Variants in NT5DC1 observed in about 807,000 individuals in gnomAD.
NT5DC1 encodes the protein 5'-nucleotidase domain-containing protein 1.
In NT5DC1, 42 loss-of-function variants were observed where a neutral mutation model predicts 59.4. The ratio of observed to expected loss-of-function variants is 0.71; its 90% CI spans 0.55 to 0.92. The LOEUF (loss-of-function observed/expected upper bound fraction) is 0.92, where lower values mean the gene tolerates loss of function less well. NT5DC1 is among the 40% of genes least tolerant of loss of function. The probability of loss-of-function intolerance (pLI) is 0.00; values close to 1 mark genes in which losing one functional copy is unlikely to be tolerated. For missense variants in NT5DC1, 501 were observed against 537.1 expected (o/e 0.93, Z 0.66); for synonymous variants, 172 against 188.1 (o/e 0.91, Z 0.70).
At chr6:116,168,090 TTTTTTTTTTTTTAAATTCTCC>T (rs1183246470) in intron 6 of NT5DC1, among the ~76,000 whole-genome samples, 1 of 151,176 alleles carries the variant, frequency 6.6e-6, no homozygotes, top group Admixed American at 6.6e-5. Context: ...TGTCTTTTTT[TTTTTTTTTTTTTAAATTCTCC>T]TTGGAGGGCT....
intron 6 of NT5DC1, among the ~76,000 whole-genome samples, chr6:116,192,834 A>G (rs1224009120): frequency 3.3e-5 from 5 of 151,964 alleles, no homozygotes; most frequent in Admixed American, 2.0e-4. Context: ...TTGGCCTCCT[A>G]CTATTGGAAG....
At chr6:116,148,214 T>G (rs1779946984) in intron 6 of NT5DC1, among the ~76,000 whole-genome samples, 1 of 152,024 alleles carries the variant, frequency 6.6e-6, no homozygotes, top group African/African-American at 2.4e-5. Flanking sequence ...TTGAGTAAGT[T>G]GGGGACAGGG....
intron 8 of NT5DC1, among the ~76,000 whole-genome samples, chr6:116,223,569 G>C (rs1035115609): frequency 2.0e-5 from 3 of 152,218 alleles, no homozygotes; most frequent in African/African-American, 7.2e-5. Flanking sequence ...GATAGGGAGA[G>C]AGGTGGAATG....
chr6:116,200,030 A>G (rs534101059), intron 6 of NT5DC1, among the ~76,000 whole-genome samples: 1 of 151,832 alleles, frequency 6.6e-6, no homozygotes, highest in South Asian at 2.1e-4. Context: ...GCAGTGGGGC[A>G]ACCTGACAAA....
In NT5DC1 at chr6:116,117,797, G is replaced by A. The variant is rs74880656; in HGVS notation, c.445-64G>A. 9.0e-4 allele frequency: 805 copies of A among 892,244 alleles called. 2 individuals are homozygous for A. In the African/African-American group the frequency reaches 0.01, roughly 11 times the overall value. The allele number at this position is 892,244 out of a possible 1,614,324, so 55.3% of individuals were successfully genotyped here. The stretch of plus-strand genomic sequence containing the variant: ...CTGTCTGCATTGTAATTGTTTGCCA[G>A]CATTTTTCACTATGCTTAAAAACTG... On this transcript the variant is annotated intron_variant, in intron 5 of 11. Coordinates refer to ENST00000319550, the MANE Select transcript of NT5DC1 (RefSeq NM_152729.3).
chr6:116,106,862 C>T (rs1003011085), intron 2 of NT5DC1, among the ~76,000 whole-genome samples: 1 of 152,108 alleles, frequency 6.6e-6, no homozygotes, highest in Non-Finnish European at 1.5e-5. Context: ...GATAACAAAA[C>T]AAACAAATAT....
At chr6:116,156,156 ATCATCTTTTATTT>A (rs1780187995) in intron 6 of NT5DC1, among the ~76,000 whole-genome samples, 2 of 152,160 alleles carry the variant, frequency 1.3e-5, no homozygotes, top group Non-Finnish European at 2.9e-5. Flanking sequence ...CCTGTTCCCC[ATCATCTTTTATTT>A]TGGGGAGGAA....
At chr6:116,232,040 T>C (rs1430472061) in intron 8 of NT5DC1, among the ~76,000 whole-genome samples, 2 of 152,178 alleles carry the variant, frequency 1.3e-5, no homozygotes, top group African/African-American at 4.8e-5. Flanking sequence ...TGTAGCAGGA[T>C]TGGTTTCTTC....
chr6:116,106,202 T>A, intron 1 of NT5DC1, 42 bp from the exon 2 acceptor site: 1 of 926,108 alleles, frequency 1.1e-6, no homozygotes, highest in Non-Finnish European at 1.8e-6. Context: ...GAATGAATAG[T>A]GGGTGTTATA....
At chr6:116,240,164 A>T (rs1288286476) in intron 11 of NT5DC1, among the ~76,000 whole-genome samples, 1 of 152,192 alleles carries the variant, frequency 6.6e-6, no homozygotes, top group Non-Finnish European at 1.5e-5. Flanking sequence ...TTCAGGTAAG[A>T]TATGCACTGA....
At chr6:116,173,557 C>T (rs551630000) in intron 6 of NT5DC1, among the ~76,000 whole-genome samples, 51 of 152,102 alleles carry the variant, frequency 3.4e-4, no homozygotes, top group Middle Eastern at 3.4e-3. Context: ...TAAAGCTGAG[C>T]GAGGGCGAGT....
chr6:116,106,305 T>C lies in NT5DC1; in HGVS notation c.155T>C (p.Leu52Pro). 1 of 1,569,868 alleles carries C rather than the reference T, an allele frequency of 6.4e-7. No homozygotes were observed. Among genetic ancestry groups the C allele is most frequent in the Non-Finnish European group, 8.8e-7 (1 of 1,140,270 alleles). ...GAGAAAGGGTACGATAAGGAATTGC[T>C]CAATGTGACCCCAGAGGATTGGGAT... is the stretch of plus-strand genomic sequence containing the variant. ...VKEKGYDKEL[L>P]NVTPEDWDFC... is the part of the protein sequence containing the mutation. The change falls in exon 2 of 12, where the codon CTC (leucine) becomes CCC (proline). Residue 52 changes from leucine (L) to proline (P), a missense_variant. Transcript: ENST00000319550.
At chr6:116,177,883 A>G (rs1344089359) in intron 6 of NT5DC1, among the ~76,000 whole-genome samples, 2 of 152,158 alleles carry the variant, frequency 1.3e-5, no homozygotes, top group African/African-American at 2.4e-5. Flanking sequence ...GTTGGAAAGG[A>G]AATGGACTTT....
intron 6 of NT5DC1, among the ~76,000 whole-genome samples, chr6:116,197,945 C>CA (rs1206974261): frequency 3.9e-5 from 6 of 152,050 alleles, no homozygotes; most frequent in Non-Finnish European, 7.4e-5. Context: ...GGGCTGCCAC[C>CA]AAAGCTCTCT....
intron 6 of NT5DC1, among the ~76,000 whole-genome samples, chr6:116,131,656 CT>C (rs755283099): frequency 7.2e-5 from 11 of 152,092 alleles, no homozygotes; most frequent in Non-Finnish European, 1.0e-4. Context: ...TATTTCCTGT[CT>C]TTTGCCAATA....
intron 6 of NT5DC1, chr6:116,137,711 T>C (rs1032483043): frequency 1.3e-5 from 2 of 154,898 alleles, no homozygotes; most frequent in Non-Finnish European, 2.9e-5. Context: ...ATATCTTTTA[T>C]AAAATGCATG....
intron 6 of NT5DC1, among the ~76,000 whole-genome samples, chr6:116,132,726 C>A (rs1405938292): frequency 1.3e-5 from 2 of 152,138 alleles, no homozygotes; most frequent in Non-Finnish European, 2.9e-5. Context: ...CTAATGTGTT[C>A]ACCCCCTGTT....
intron 9 of NT5DC1, chr6:116,237,773 A>T: frequency 3.8e-6 from 1 of 263,712 alleles, no homozygotes; most frequent in Non-Finnish European, 7.6e-6. Flanking sequence ...CAGAAACTTG[A>T]AAAGTGGTTG....
intron 6 of NT5DC1, among the ~76,000 whole-genome samples, chr6:116,213,674 C>A (rs1246867977): frequency 6.7e-6 from 1 of 150,368 alleles, no homozygotes; most frequent in Non-Finnish European, 1.5e-5. Flanking sequence ...ATGTGTAGAT[C>A]ACATGTAGGA....
Sources: gnomAD v4.1 joint callset for allele counts (sites outside exome capture counted in the v4.1 genomes callset) on GRCh38, gnomAD v4.1.1 for gene constraint, MANE v1.5 for transcripts, NCBI Gene and HGNC (gene_info 2026-07-23, HGNC 2026-07-21) for gene names.